The following TCERG1L variants were observed in gnomAD, a reference collection of about 807,000 sequenced individuals.
The protein encoded by TCERG1L is transcription elongation regulator 1 like.
A neutral mutation model predicts 56.3 loss-of-function variants in TCERG1L; 37 were observed. The observed-to-expected ratio is 0.66, with a 90% CI of 0.51 to 0.87. The LOEUF is 0.87. TCERG1L is among the 40% of genes least tolerant of loss of function. The pLI, the probability that TCERG1L is intolerant of heterozygous loss-of-function variation, is 0.00. For synonymous variants in TCERG1L, 324 were observed against 326.3 expected, an observed-to-expected ratio of 0.99 and a Z score of 0.08; for missense variants, 799 against 774.2, an observed-to-expected ratio of 1.03 and a Z score of -0.38.
chr10:131,188,317 T>C (rs1845268249), intron 4 of TCERG1L, among the ~76,000 whole-genome samples: 1 of 152,158 alleles, frequency 6.6e-6, no homozygotes, highest in African/African-American at 2.4e-5. Flanking sequence ...GGGCACGCGC[T>C]CCTCATTTCC....
intron 6 of TCERG1L, among the ~76,000 whole-genome samples, chr10:131,149,376 C>T (rs1383193755): frequency 6.7e-6 from 1 of 149,490 alleles, no homozygotes; most frequent in Non-Finnish European, 1.5e-5. Context: ...CCCAGCAAGC[C>T]CAGGCCAGGG....
rs140398951 is a variant in TCERG1L at position 131,183,353 on chromosome 10, C to G, written c.857-16468G>C. Among the ~76,000 whole-genome samples the G allele has an allele frequency of 4.1e-3, 622 of 152,226 alleles. 5 individuals carry two copies. The highest frequency in any genetic ancestry group is 0.014 in the African/African-American group (600 of 41,510). On this transcript the variant is annotated intron_variant, in intron 4 of 11. Transcript: ENST00000368642. Reference sequence around the variant, plus strand: ...ATGAAGCAACTGATACAAAGAGACCCTTTGTTGGGGAAATACTCAACTGAA... The same window carrying G: ...ATGAAGCAACTGATACAAAGAGACCGTTTGTTGGGGAAATACTCAACTGAA...
chr10:131,099,417 C>A (rs566576709), intron 10 of TCERG1L, among the ~76,000 whole-genome samples: 29 of 152,192 alleles, frequency 1.9e-4, no homozygotes, highest in Non-Finnish European at 1.9e-4. Flanking sequence ...AACTCAAGAA[C>A]GTTAAAAATA....
At chr10:131,173,935 G>A (rs542118758) in intron 4 of TCERG1L, among the ~76,000 whole-genome samples, 2 of 152,198 alleles carry the variant, frequency 1.3e-5, no homozygotes, top group Non-Finnish European at 2.9e-5. Context: ...GCTCCCCCTG[G>A]CAGCTCAGGA....
At chr10:131,114,698 C>T (rs888393343) in intron 9 of TCERG1L, among the ~76,000 whole-genome samples, 6 of 152,082 alleles carry the variant, frequency 3.9e-5, no homozygotes, top group East Asian at 3.9e-4. Flanking sequence ...CATCCCTGCC[C>T]GGGAAGGGAA....
At chr10:131,143,134 G>T (rs1845756219) in intron 7 of TCERG1L, among the ~76,000 whole-genome samples, 1 of 152,174 alleles carries the variant, frequency 6.6e-6, no homozygotes. Flanking sequence ...CACCTTGTGT[G>T]GCTTTTAGCC....
chr10:131,173,792 C>T (rs928630799), intron 4 of TCERG1L, among the ~76,000 whole-genome samples: 2 of 152,220 alleles, frequency 1.3e-5, no homozygotes, highest in Non-Finnish European at 2.9e-5. Context: ...ATGCCCTTCT[C>T]CAGGGCCTGC....
At chr10:131,262,447 T>C (rs947068360) in intron 3 of TCERG1L, among the ~76,000 whole-genome samples, 1 of 152,228 alleles carries the variant, frequency 6.6e-6, no homozygotes. Context: ...TGATTTTCTC[T>C]CCTTTCTTTT....
chr10:131,093,366 G>A (rs1358589951), intron 11 of TCERG1L, 48 bp from the exon 12 acceptor site: 1 of 1,601,580 alleles, frequency 6.2e-7, no homozygotes, highest in Non-Finnish European at 8.5e-7. Flanking sequence ...AGCAACTCTG[G>A]CCTCCCCAGA....
In TCERG1L at chr10:131,311,218, G is replaced by A. The variant is rs1407346453; in HGVS notation, c.342+76C>T. On this transcript the variant is annotated intron_variant, in intron 1 of 11. Transcript: ENST00000368642. The surrounding 1 kb of genome is among the most constrained non-coding windows in gnomAD (Gnocchi z 4.0). ...AGGAGGGCGCGCGAGCCGGAGGCCA[G>A]AGCCGGGCCGGGCAGGGCGCGCCCA... 8.8e-7 allele frequency: 1 copy of A among 1,138,008 alleles called. No individual in the cohort carries two copies. Among genetic ancestry groups the A allele is most frequent in the African/African-American group, 1.6e-5 (1 of 61,456 alleles). 70.5% of individuals were successfully genotyped at this position (1,138,008 alleles called of 1,614,324 possible).
chr10:131,229,758 C>T (rs1324320114), intron 4 of TCERG1L, among the ~76,000 whole-genome samples: 11 of 151,680 alleles, frequency 7.3e-5, no homozygotes, highest in Admixed American at 7.2e-4. Flanking sequence ...GAATATTTAC[C>T]TCCTAGAGGT....
At chr10:131,215,664 G>A (rs1309369081) in intron 4 of TCERG1L, among the ~76,000 whole-genome samples, 1 of 152,162 alleles carries the variant, frequency 6.6e-6, no homozygotes, top group Non-Finnish European at 1.5e-5. Context: ...TACAGCCAGA[G>A]AGAGGGGCTG....
chr10:131,308,461 A>G, intron 2 of TCERG1L, 70 bp from the exon 3 acceptor site: 2 of 1,347,534 alleles, frequency 1.5e-6, no homozygotes, highest in Non-Finnish European at 2.1e-6. Context: ...TGACCATGAA[A>G]ATATTTGTGT....
intron 3 of TCERG1L, among the ~76,000 whole-genome samples, chr10:131,268,007 C>A (rs1454980864): frequency 1.3e-5 from 2 of 152,180 alleles, no homozygotes; most frequent in Non-Finnish European, 2.9e-5. Flanking sequence ...GCCCAGCTGC[C>A]AGGAGTGCCA....
At chr10:131,219,400 G>A (rs1471274513) in intron 4 of TCERG1L, among the ~76,000 whole-genome samples, 4 of 152,236 alleles carry the variant, frequency 2.6e-5, no homozygotes, top group Admixed American at 2.6e-4. Context: ...GCGGCTTCGA[G>A]TTGTGCATGT....
rs185255948 is a variant in TCERG1L, at chr10:131,191,780, G to T, written c.857-24895C>A. Among the ~76,000 whole-genome samples the T allele has an allele frequency of 8.8e-3, 1,175 of 133,738 alleles. 108 individuals carry two copies. In the South Asian group the frequency reaches 0.11, roughly 12 times the overall value. 87.7% of individuals were successfully genotyped at this position (133,738 alleles called of 152,430 possible). ...CTCGGGAGGCTGAGGCAGGAGAATAGCGTGAACCCTGGAGGCAGAGCTTGC... is the reference window on the plus strand; with the variant it reads ...CTCGGGAGGCTGAGGCAGGAGAATATCGTGAACCCTGGAGGCAGAGCTTGC... On this transcript the variant is annotated intron_variant, in intron 4 of 11. Transcript: ENST00000368642.
At chr10:131,120,775 G>A (rs1319088097) in intron 8 of TCERG1L, among the ~76,000 whole-genome samples, 2 of 152,206 alleles carry the variant, frequency 1.3e-5, no homozygotes, top group South Asian at 2.1e-4. Context: ...CTCACCTAGA[G>A]CTGTCACGTG....
In TCERG1L at chr10:131,103,202, A is replaced by T. The variant is rs1348370362; in HGVS notation, c.1485+1063T>A. Among the ~76,000 whole-genome samples, 7 of 152,066 alleles carry T rather than the reference A, an allele frequency of 4.6e-5. No individual in the cohort carries two copies. The highest frequency in any genetic ancestry group is 1.7e-4 in the African/African-American group (7 of 41,430). On this transcript the variant is annotated intron_variant, in intron 10 of 11. Transcript: ENST00000368642. This position sits in a 1 kb window ranked among gnomAD's most constrained non-coding sequence, Gnocchi z 4.3. ...GCATTGCAATGGGAATACACATGCC[A>T]TCGTAAATGACAAGAATATTCAGGG...
intron 3 of TCERG1L, among the ~76,000 whole-genome samples, chr10:131,306,760 C>T (rs1387599947): frequency 6.6e-6 from 1 of 152,002 alleles, no homozygotes; most frequent in African/African-American, 2.4e-5. Context: ...GCATATTTGC[C>T]ACACAATAGT....
Sources: gnomAD v4.1 joint callset for allele counts (sites outside exome capture counted in the v4.1 genomes callset) on GRCh38, gnomAD v4.1.1 for gene constraint, Gnocchi (gnomAD v3.1) non-coding constraint, MANE v1.5 for transcripts, NCBI Gene and HGNC (gene_info 2026-07-23, HGNC 2026-07-21) for gene names.